AKAP13: variants seen among roughly 807,000 people sequenced by gnomAD.
AKAP13 encodes the protein A-kinase anchor protein 13.
Under a neutral mutation model 264.5 loss-of-function variants are expected in AKAP13, and 80 were observed. That is an observed-to-expected ratio of 0.30 (90% CI 0.25 to 0.36). The LOEUF (loss-of-function observed/expected upper bound fraction) is 0.36, where lower values mean the gene tolerates loss of function less well. AKAP13 is among the 10% of genes least tolerant of loss of function. The pLI is 1.00. For synonymous variants in AKAP13, 1,380 were observed against 1,250.2 expected, an observed-to-expected ratio of 1.10 and a Z score of -2.19; for missense variants, 3,712 against 3,435.2, an observed-to-expected ratio of 1.08 and a Z score of -2.01.
intron 5 of AKAP13, among the ~76,000 whole-genome samples, chr15:85,562,725 C>G (rs1462516282): frequency 1.1e-5 from 1 of 92,548 alleles, no homozygotes; most frequent in Admixed American, 1.4e-4. Context: ...GACTGAATTT[C>G]CCTCTTGTTG....
chr15:85,573,531 C>T (rs949052659), intron 5 of AKAP13, among the ~76,000 whole-genome samples: 3 of 124,714 alleles, frequency 2.4e-5, no homozygotes, highest in Admixed American at 7.7e-5. Context: ...GGCGACAGAG[C>T]GGGACTCTGT....
intron 1 of AKAP13, among the ~76,000 whole-genome samples, chr15:85,465,187 T>C (rs1409508355): frequency 6.6e-6 from 1 of 151,520 alleles, no homozygotes; most frequent in East Asian, 1.9e-4. Flanking sequence ...CTCCTGACCT[T>C]GTGATCCGCC....
chr15:85,561,928 T>C (rs1040412368), intron 5 of AKAP13, among the ~76,000 whole-genome samples: 1 of 152,212 alleles, frequency 6.6e-6, no homozygotes, highest in Non-Finnish European at 1.5e-5. Context: ...ATTTTTAGTT[T>C]CGTCTGTCTG....
intron 2 of AKAP13, among the ~76,000 whole-genome samples, chr15:85,489,329 A>G (rs2075660762): frequency 6.6e-6 from 1 of 152,240 alleles, no homozygotes; most frequent in Non-Finnish European, 1.5e-5. Flanking sequence ...AGCAGGCTCT[A>G]CTGAAGAATA....
chr15:85,394,872 C>T (rs758944246), intron 1 of AKAP13, among the ~76,000 whole-genome samples: 1 of 152,182 alleles, frequency 6.6e-6, no homozygotes, highest in Non-Finnish European at 1.5e-5. Flanking sequence ...TGAAATGGGA[C>T]AGAGGTTATT....
chr15:85,470,719 A>T (rs1215651090), intron 1 of AKAP13, among the ~76,000 whole-genome samples: 2 of 152,214 alleles, frequency 1.3e-5, no homozygotes, highest in Non-Finnish European at 2.9e-5. Context: ...TGTTTGAAGT[A>T]GCCAGCATGC....
At chr15:85,517,957 G>T (rs1467197082) in intron 2 of AKAP13, among the ~76,000 whole-genome samples, 1 of 152,198 alleles carries the variant, frequency 6.6e-6, no homozygotes, top group Non-Finnish European at 1.5e-5. Flanking sequence ...GGTGATGTAG[G>T]TGTGTACTCT....
At chr15:85,426,248 G>A (rs1304831004) in intron 1 of AKAP13, among the ~76,000 whole-genome samples, 1 of 152,170 alleles carries the variant, frequency 6.6e-6, no homozygotes, top group East Asian at 1.9e-4. Context: ...TGTATTACGA[G>A]ACCTTGAATT....
At chr15:85,468,540 A>G (rs1216565456) in intron 1 of AKAP13, among the ~76,000 whole-genome samples, 1 of 152,206 alleles carries the variant, frequency 6.6e-6, no homozygotes, top group Non-Finnish European at 1.5e-5. Flanking sequence ...AAAGAACACC[A>G]GGCTACTAAA....
intron 16 of AKAP13, among the ~76,000 whole-genome samples, chr15:85,686,468 G>A (rs767370596): frequency 6.6e-6 from 1 of 152,122 alleles, no homozygotes; most frequent in Non-Finnish European, 1.5e-5. Context: ...CGTGCCACAA[G>A]AATTGTGTTT....
At chr15:85,394,081 T>C (rs2070997802) in intron 1 of AKAP13, among the ~76,000 whole-genome samples, 1 of 152,196 alleles carries the variant, frequency 6.6e-6, no homozygotes, top group Non-Finnish European at 1.5e-5. Context: ...TTCAAAGTGT[T>C]TTACAAACAT....
At chr15:85,422,937 TAAAGC>T (rs2072589783) in intron 1 of AKAP13, among the ~76,000 whole-genome samples, 1 of 152,262 alleles carries the variant, frequency 6.6e-6, no homozygotes, top group African/African-American at 2.4e-5. Flanking sequence ...AACATTGCGA[TAAAGC>T]AAGTCACACA....
intron 35 of AKAP13, among the ~76,000 whole-genome samples, chr15:85,742,125 C>G (rs989980885): frequency 6.6e-6 from 1 of 152,228 alleles, no homozygotes; most frequent in Non-Finnish European, 1.5e-5. Context: ...TTTTGCATCT[C>G]TAAGAGGCTG....
chr15:85,622,095 C>T (rs1437732765), intron 8 of AKAP13, among the ~76,000 whole-genome samples: 4 of 152,090 alleles, frequency 2.6e-5, no homozygotes, highest in African/African-American at 9.7e-5. Context: ...CTCAAAGAAA[C>T]CTAAGTACCT....
In AKAP13 at chr15:85,718,931, C is replaced by A; in HGVS notation, c.6002-145C>A. ...AAACAAAAAAACAAAAAAACGAGAA[C>A]ACTTTTAGGGGAAAGATAGCTGTTG... On this transcript the variant is annotated intron_variant, in intron 22 of 36. Transcript: ENST00000394518. The surrounding 1 kb of genome is among the most constrained non-coding windows in gnomAD (Gnocchi z 4.9). 8.7e-7 allele frequency: 1 copy of A among 1,149,106 alleles called. No homozygotes were observed. Among genetic ancestry groups the A allele is most frequent in the Non-Finnish European group, 1.2e-6 (1 of 825,774 alleles). 71.2% of individuals were successfully genotyped at this position (1,149,106 alleles called of 1,614,324 possible). A position where few individuals can be genotyped will look rare whatever the true frequency, so the allele number is the denominator to read the frequency against.
At chr15:85,454,359 C>T (rs1240359832) in intron 1 of AKAP13, among the ~76,000 whole-genome samples, 1 of 152,192 alleles carries the variant, frequency 6.6e-6, no homozygotes, top group Non-Finnish European at 1.5e-5. Context: ...TTGCAAAGGT[C>T]TGTGGGAGAA....
At chr15:85,705,091 C>A (rs942179418) in intron 17 of AKAP13, among the ~76,000 whole-genome samples, 3 of 152,134 alleles carry the variant, frequency 2.0e-5, no homozygotes, top group African/African-American at 7.2e-5. Context: ...GGACATGTTT[C>A]AATTAATTAA....
At chr15:85,563,327 T>C (rs12915503) in intron 5 of AKAP13, among the ~76,000 whole-genome samples, 13,500 of 114,384 alleles carry the variant, frequency 0.12, 1,141 homozygotes, top group Middle Eastern at 0.21. Flanking sequence ...TAGAATGTGC[T>C]TGTTTTTTTT....
At chr15:85,569,150 G>T (rs1037828590) in intron 5 of AKAP13, among the ~76,000 whole-genome samples, 3 of 152,164 alleles carry the variant, frequency 2.0e-5, no homozygotes, top group Non-Finnish European at 4.4e-5. Flanking sequence ...TAAAATTGAG[G>T]TTTGAAATTT....
Sources: allele counts gnomAD v4.1 joint callset (sites outside exome capture counted in the v4.1 genomes callset), GRCh38; gene constraint gnomAD v4.1.1; non-coding constraint Gnocchi (gnomAD v3.1); transcripts MANE v1.5; gene names NCBI Gene and HGNC (gene_info 2026-07-23, HGNC 2026-07-21).